VGLL3: variants seen among roughly 807,000 people sequenced by gnomAD.
The protein encoded by VGLL3 is transcription cofactor vestigial-like protein 3.
VGLL3 carries 18 observed loss-of-function variants against 29.2 expected under a neutral mutation model. The observed-to-expected ratio is 0.62, with a 90% CI of 0.43 to 0.91. The LOEUF is 0.91. Among genes scored for constraint, VGLL3 ranks in the 40% least tolerant of loss-of-function variants. The pLI is 0.00. For missense variants in VGLL3, 440 were observed against 413.2 expected (o/e 1.06, Z -0.56); for synonymous variants, 180 against 151.8 (o/e 1.19, Z -1.36).
In VGLL3 at chr3:86,939,651, A is replaced by C. The variant is rs902907739; in HGVS notation, c.*7373T>G. 1.0e-4 allele frequency: 16 copies of C among 152,838 alleles called. No homozygotes were observed. Among genetic ancestry groups the C allele is most frequent in the African/African-American group, 3.9e-4 (16 of 41,436 alleles). The allele number at this position is 152,838 out of a possible 1,614,324, so 9.5% of individuals were successfully genotyped here. A position where few individuals can be genotyped will look rare whatever the true frequency, so the allele number is the denominator to read the frequency against. The stretch of plus-strand genomic sequence containing the variant: ...CAAAACAAAACAAAACAAAACAAAA[A>C]AACAAAACAGAACAAAAACCTTGAG... On this transcript the variant is annotated 3_prime_UTR_variant, in exon 4 of 4. Transcript: ENST00000398399.
chr3:86,959,197 A>G (rs1228542565), intron 3 of VGLL3, among the ~76,000 whole-genome samples: 1 of 152,172 alleles, frequency 6.6e-6, no homozygotes, highest in Non-Finnish European at 1.5e-5. Flanking sequence ...GAAAAAAATC[A>G]TATAGTCCTA....
chr3:86,951,420 T>C (rs568081984), intron 3 of VGLL3, among the ~76,000 whole-genome samples: 1 of 152,248 alleles, frequency 6.6e-6, no homozygotes, highest in South Asian at 2.1e-4. Flanking sequence ...TGATTTACAT[T>C]CATGAAAGCT....
chr3:86,985,639 T>C (rs1705424790), intron 1 of VGLL3, among the ~76,000 whole-genome samples: 1 of 152,078 alleles, frequency 6.6e-6, no homozygotes, highest in Non-Finnish European at 1.5e-5. Flanking sequence ...CCTAAATGAG[T>C]AGTCAGAGCA....
intron 3 of VGLL3, among the ~76,000 whole-genome samples, chr3:86,961,140 G>A (rs1704830302): frequency 6.6e-6 from 1 of 151,772 alleles, no homozygotes; most frequent in East Asian, 1.9e-4. Context: ...AATAACATGA[G>A]GGATCCCAAG....
rs67190879 is a variant in VGLL3, at chr3:86,955,380, CT to C, written c.938-8314del. Among the ~76,000 whole-genome samples the C allele has an allele frequency of 5.4e-3, 705 of 131,686 alleles. 3 individuals are homozygous for C. The highest frequency in any genetic ancestry group is 0.038 in the East Asian group (173 of 4,584). 86.4% of individuals were successfully genotyped at this position (131,686 alleles called of 152,430 possible). ...AAACTTTTCATCTCTCTCTCTCTCT[CT>C]TTTTTTTTTTTTTTTTTTTGAGACG... is the stretch of plus-strand genomic sequence containing the variant. On this transcript the variant is annotated intron_variant, in intron 3 of 3. Transcript: ENST00000398399.
rs1271870630 is a variant in VGLL3, at chr3:86,945,222, T to C, written c.*1802A>G. 1.3e-5 allele frequency: 2 copies of C among 152,102 alleles called. No individual in the cohort carries two copies. Among genetic ancestry groups the C allele is most frequent in the Non-Finnish European group, 2.9e-5 (2 of 68,026 alleles). 9.4% of individuals were successfully genotyped at this position (152,102 alleles called of 1,614,324 possible). A position where few individuals can be genotyped will look rare whatever the true frequency, so the allele number is the denominator to read the frequency against. On this transcript the variant is annotated 3_prime_UTR_variant, in exon 4 of 4. Coordinates refer to ENST00000398399, the MANE Select transcript of VGLL3 (RefSeq NM_016206.4). The stretch of plus-strand genomic sequence containing the variant: ...AGTGATGAGAGTACAAAAGAGTATA[T>C]AGATCTGAAGCTCAAAAGACGGATA...
At chr3:86,988,647 A>C (rs1170992720) in intron 1 of VGLL3, among the ~76,000 whole-genome samples, 3 of 46,618 alleles carry the variant, frequency 6.4e-5, no homozygotes, top group African/African-American at 9.0e-5. Flanking sequence ...GACCAAAAAA[A>C]AAAAAAAAAA....
At chr3:86,966,669 TTTA>T (rs1704966012) in intron 3 of VGLL3, among the ~76,000 whole-genome samples, 1 of 150,630 alleles carries the variant, frequency 6.6e-6, no homozygotes, top group Admixed American at 6.6e-5. Flanking sequence ...AACAATGTAA[TTTA>T]AGCAAGTAGT....
chr3:86,990,840 G>T lies in VGLL3; in HGVS notation c.-97C>A. 1 of 1,179,154 alleles carries T rather than the reference G, an allele frequency of 8.5e-7. No individual in the cohort carries two copies. Among genetic ancestry groups the T allele is most frequent in the Non-Finnish European group, 1.1e-6 (1 of 947,054 alleles). 73.0% of individuals were successfully genotyped at this position (1,179,154 alleles called of 1,614,324 possible). Reference sequence around the variant, plus strand: ...CGCCGCCGCCGCAGCTGCCGCCTCTGTCGCTGCTCCAGCTGCTACTGCGGC... The same window carrying T: ...CGCCGCCGCCGCAGCTGCCGCCTCTTTCGCTGCTCCAGCTGCTACTGCGGC... On this transcript the variant is annotated 5_prime_UTR_variant, in exon 1 of 4. Coordinates refer to ENST00000398399, the MANE Select transcript of VGLL3 (RefSeq NM_016206.4).
At chr3:86,967,601 C>A (rs1704991609) in intron 3 of VGLL3, among the ~76,000 whole-genome samples, 1 of 152,164 alleles carries the variant, frequency 6.6e-6, no homozygotes, top group South Asian at 2.1e-4. Context: ...ATTAAGGGTT[C>A]TCCACACTAC....
intron 2 of VGLL3, among the ~76,000 whole-genome samples, chr3:86,974,014 A>G (rs1294639879): frequency 6.6e-6 from 1 of 152,144 alleles, no homozygotes; most frequent in East Asian, 1.9e-4. Flanking sequence ...TGCTAAATTA[A>G]TCATATAGAT....
chr3:86,960,932 GATATATATAT>G (rs57744873), intron 3 of VGLL3, among the ~76,000 whole-genome samples: 57,474 of 137,816 alleles, frequency 0.42, 13,247 homozygotes, highest in South Asian at 0.58. Context: ...AAGTAATTGT[GATATATATAT>G]ATATATATAT....
Position 86,990,868 on chromosome 3 carries a change from A to T in VGLL3, c.-125T>A. 8.7e-7 allele frequency: 1 copy of T among 1,154,332 alleles called. No homozygotes were observed. Among genetic ancestry groups the T allele is most frequent in the East Asian group, 4.6e-5 (1 of 21,710 alleles). The allele number at this position is 1,154,332 out of a possible 1,614,324, so 71.5% of individuals were successfully genotyped here. A position where few individuals can be genotyped will look rare whatever the true frequency, so the allele number is the denominator to read the frequency against. On this transcript the variant is annotated 5_prime_UTR_variant, in exon 1 of 4. Transcript: ENST00000398399. Reference sequence around the variant, plus strand: ...GCTGCTCCAGCTGCTACTGCGGCGAAGGCGGGTCCTCGGCGGCCTCGGGCT... The same window carrying T: ...GCTGCTCCAGCTGCTACTGCGGCGATGGCGGGTCCTCGGCGGCCTCGGGCT...
At chr3:86,987,197 G>C (rs1309413993) in intron 1 of VGLL3, among the ~76,000 whole-genome samples, 3 of 152,158 alleles carry the variant, frequency 2.0e-5, no homozygotes, top group African/African-American at 7.2e-5. Context: ...AAAAAGAAGA[G>C]TTGAAGTTAT....
At chr3:86,981,816 C>T (rs1705331217) in intron 1 of VGLL3, among the ~76,000 whole-genome samples, 1 of 151,868 alleles carries the variant, frequency 6.6e-6, no homozygotes. Context: ...TTATAATGAA[C>T]CAATTTAAAT....
At chr3:86,950,685 C>A (rs1472566304) in intron 3 of VGLL3, among the ~76,000 whole-genome samples, 2 of 152,096 alleles carry the variant, frequency 1.3e-5, no homozygotes, top group South Asian at 4.1e-4. Flanking sequence ...ACATTTTTCC[C>A]AAGATGACAT....
rs1049437892 is a variant in VGLL3 at position 86,940,100 on chromosome 3, G to A, written c.*6924C>T. 1.3e-5 allele frequency: 2 copies of A among 152,156 alleles called. No homozygotes were observed. Among genetic ancestry groups the A allele is most frequent in the Non-Finnish European group, 2.9e-5 (2 of 68,026 alleles). 9.4% of individuals were successfully genotyped at this position (152,156 alleles called of 1,614,324 possible). ...CCAAATTATTTCATCTGTAATGCTG[G>A]AAAGTCTATTATTTAAATGCTGATT... is the stretch of plus-strand genomic sequence containing the variant. On this transcript the variant is annotated 3_prime_UTR_variant, in exon 4 of 4. Coordinates refer to ENST00000398399, the MANE Select transcript of VGLL3 (RefSeq NM_016206.4).
rs1037117204 is a variant in VGLL3, at chr3:86,940,733, G to A, written c.*6291C>T. 4.0e-5 allele frequency: 6 copies of A among 151,806 alleles called. No individual in the cohort carries two copies. The highest frequency in any genetic ancestry group is 3.9e-4 in the Admixed American group (6 of 15,240). 9.4% of individuals were successfully genotyped at this position (151,806 alleles called of 1,614,324 possible). On this transcript the variant is annotated 3_prime_UTR_variant, in exon 4 of 4. Coordinates refer to ENST00000398399, the MANE Select transcript of VGLL3 (RefSeq NM_016206.4). ...CTTATATCATTGACACATATTATGA[G>A]ACCTGCATTTGAAGAGTGAATAGAA...
In VGLL3 at chr3:86,938,582, T is replaced by G. The variant is rs1704325943; in HGVS notation, c.*8442A>C. 6.6e-6 allele frequency: 1 copy of G among 152,666 alleles called. No individual in the cohort carries two copies. Among genetic ancestry groups the G allele is most frequent in the African/African-American group, 2.4e-5 (1 of 41,470 alleles). 9.5% of individuals were successfully genotyped at this position (152,666 alleles called of 1,614,324 possible). ...CAAAGATCAATGCTGATGTTCTTCA[T>G]TCAGTCACAGCCAAACTTGGTATGG... On this transcript the variant is annotated 3_prime_UTR_variant, in exon 4 of 4. Transcript: ENST00000398399.
Sources: gnomAD v4.1 joint callset for allele counts (sites outside exome capture counted in the v4.1 genomes callset) on GRCh38, gnomAD v4.1.1 for gene constraint, MANE v1.5 for transcripts, NCBI Gene and HGNC (gene_info 2026-07-23, HGNC 2026-07-21) for gene names.